The following NBAS variants were observed in gnomAD, a reference collection of about 807,000 sequenced individuals.
NBAS encodes the protein NAG/BC035112 fusion.
A neutral mutation model predicts 302.5 loss-of-function variants in NBAS; 219 were observed. That is an observed-to-expected ratio of 0.72 (90% CI 0.65 to 0.81). NBAS has a LOEUF of 0.81. NBAS is among the 30% of genes least tolerant of loss of function. The probability of loss-of-function intolerance (pLI) is 0.00; values close to 1 mark genes in which losing one functional copy is unlikely to be tolerated. For missense variants in NBAS, 2,932 were observed against 2,841.6 expected (o/e 1.03, Z -0.72); for synonymous variants, 1,118 against 1,021.6 (o/e 1.09, Z -1.80).
At chr2:15,338,819 G>A (rs1672717754) in intron 35 of NBAS, among the ~76,000 whole-genome samples, 1 of 151,996 alleles carries the variant, frequency 6.6e-6, no homozygotes, top group Admixed American at 6.6e-5. Flanking sequence ...AGACCAGCCT[G>A]GGTAAAATAT....
At chr2:15,219,127 G>A (rs190183583) in intron 47 of NBAS, among the ~76,000 whole-genome samples, 159 bp from the exon 48 acceptor site, 212 of 152,192 alleles carry the variant, frequency 1.4e-3, no homozygotes, top group African/African-American at 4.2e-3. Context: ...GGCTTACAGC[G>A]AACTGTATTA....
In NBAS at chr2:15,264,069, C is replaced by T. The variant is rs959451970; in HGVS notation, c.5724+11415G>A. ...CTTAAATGAGAGGAGGGAGCTTATA[C>T]GATGAAGAAAGAATGGAAGAGCAAA... On this transcript the variant is annotated intron_variant, in intron 44 of 51. Coordinates refer to ENST00000281513, the MANE Select transcript of NBAS (RefSeq NM_015909.4). Among the ~76,000 whole-genome samples, 61 of 152,130 alleles carry T rather than the reference C, an allele frequency of 4.0e-4. 1 individual carries two copies. Among genetic ancestry groups the T allele is most frequent in the African/African-American group, 1.4e-3 (58 of 41,500 alleles).
the NBAS span, among the ~76,000 whole-genome samples, chr2:14,958,245 A>C: frequency 6.6e-6 from 1 of 152,110 alleles, no homozygotes; most frequent in Admixed American, 6.5e-5. Flanking sequence ...AGAGCAGGAG[A>C]CCCGGGTCCT....
chr2:15,302,605 A>C (rs887228020), intron 40 of NBAS, among the ~76,000 whole-genome samples: 1 of 152,200 alleles, frequency 6.6e-6, no homozygotes, highest in Non-Finnish European at 1.5e-5. Flanking sequence ...AGATAGCATG[A>C]GGGCAGGAGA....
chr2:15,406,368 T>C (rs112497984), intron 25 of NBAS, among the ~76,000 whole-genome samples: 6 of 152,188 alleles, frequency 3.9e-5, no homozygotes, highest in African/African-American at 1.4e-4. Flanking sequence ...TGCGTGGTCA[T>C]TTGGGAAAAT....
the NBAS span, among the ~76,000 whole-genome samples, chr2:14,780,616 T>A: frequency 2.0e-5 from 3 of 152,242 alleles, no homozygotes; most frequent in Non-Finnish European, 4.4e-5. Context: ...ACCTTCTTCA[T>A]AAAGCTTGCT....
At chr2:15,209,010 C>A (rs1335681975) in intron 48 of NBAS, among the ~76,000 whole-genome samples, 2 of 151,960 alleles carry the variant, frequency 1.3e-5, no homozygotes, top group East Asian at 3.9e-4. Flanking sequence ...TAAAACAAAT[C>A]ATTGGGCTTT....
chr2:14,882,887 A>G, the NBAS span, among the ~76,000 whole-genome samples: 1 of 152,036 alleles, frequency 6.6e-6, no homozygotes, highest in African/African-American at 2.4e-5. Context: ...GTCCATAGAG[A>G]CTCATATCAG....
chr2:15,463,144 T>C (rs539923888), intron 19 of NBAS, among the ~76,000 whole-genome samples: 1 of 152,140 alleles, frequency 6.6e-6, no homozygotes, highest in South Asian at 2.1e-4. Flanking sequence ...CATGGTGCCA[T>C]GTATCTGTAG....
chr2:15,560,361 A>G (rs1464801838), intron 1 of NBAS, among the ~76,000 whole-genome samples: 1 of 152,212 alleles, frequency 6.6e-6, no homozygotes, highest in African/African-American at 2.4e-5. Context: ...GATCCAGTCC[A>G]TAAATTATCA....
chr2:15,123,677 A>G, the NBAS span, among the ~76,000 whole-genome samples: 368 of 152,200 alleles, frequency 2.4e-3, 1 homozygote, highest in African/African-American at 8.5e-3. Flanking sequence ...TCACCCTGTG[A>G]CATGCTGGCT....
chr2:14,976,379 C>A, the NBAS span, among the ~76,000 whole-genome samples: 1 of 152,308 alleles, frequency 6.6e-6, no homozygotes, highest in South Asian at 2.1e-4. Context: ...TTCTGTACGT[C>A]TTCGTCTATT....
At chr2:15,412,951 G>A (rs954993811) in intron 25 of NBAS, among the ~76,000 whole-genome samples, 14 of 152,128 alleles carry the variant, frequency 9.2e-5, no homozygotes, top group African/African-American at 2.4e-4. Flanking sequence ...GAGCCTAACC[G>A]TAACTCCAAG....
At chr2:14,970,412 C>A in the NBAS span, among the ~76,000 whole-genome samples, 1 of 152,148 alleles carries the variant, frequency 6.6e-6, no homozygotes, top group East Asian at 1.9e-4. Context: ...CATCACTGAA[C>A]AAGTAAAATC....
At chr2:15,320,903 T>C (rs1027018830) in intron 38 of NBAS, among the ~76,000 whole-genome samples, 3 of 152,188 alleles carry the variant, frequency 2.0e-5, no homozygotes, top group Non-Finnish European at 2.9e-5. Context: ...ACTTTAAAGT[T>C]CATATGGAAC....
At chr2:15,553,984 C>T (rs1664518822) in intron 4 of NBAS, 77 bp downstream of exon 4, 1 of 1,254,780 alleles carries the variant, frequency 8.0e-7, no homozygotes, top group Non-Finnish European at 1.2e-6. Context: ...AAGCCACAAG[C>T]ATTCCAAAAT....
intron 40 of NBAS, among the ~76,000 whole-genome samples, chr2:15,297,796 C>T (rs970347554): frequency 1.2e-4 from 19 of 152,054 alleles, no homozygotes; most frequent in African/African-American, 4.6e-4. Flanking sequence ...GCTGTCATTC[C>T]GTATTGTTCC....
the NBAS span, among the ~76,000 whole-genome samples, chr2:15,021,998 T>A: frequency 6.6e-6 from 1 of 152,180 alleles, no homozygotes. Flanking sequence ...TGTCTACAAC[T>A]GCTCTTAGGA....
At chr2:15,166,039 G>A (rs1389994635), downstream of NBAS, among the ~76,000 whole-genome samples, 3 of 152,152 alleles carry the variant, frequency 2.0e-5, no homozygotes, top group Non-Finnish European at 4.4e-5. Flanking sequence ...CTGTGGCTTC[G>A]ATAAGGTGTG....
Sources: gnomAD v4.1 joint callset for allele counts (sites outside exome capture counted in the v4.1 genomes callset) on GRCh38, gnomAD v4.1.1 for gene constraint, MANE v1.5 for transcripts, NCBI Gene and HGNC (gene_info 2026-07-23, HGNC 2026-07-21) for gene names.